PRKAR1A: variants seen among roughly 807,000 people sequenced by gnomAD.
PRKAR1A encodes the protein protein kinase cAMP-dependent type I regulatory subunit alpha.
In PRKAR1A, 3 loss-of-function variants were observed where a neutral mutation model predicts 52.0. The observed-to-expected ratio is 0.06, with a 90% CI of 0.03 to 0.15. The LOEUF (loss-of-function observed/expected upper bound fraction) is 0.15. PRKAR1A is among the 10% of genes least tolerant of loss of function. The pLI is 1.00. For synonymous variants in PRKAR1A, 188 were observed against 168.4 expected (o/e 1.12, Z -0.90); for missense variants, 240 against 477.4 (o/e 0.50, Z 4.63).
chr17:68,509,409 T>C (rs2085235216), upstream of PRKAR1A, among the ~76,000 whole-genome samples: 1 of 152,144 alleles, frequency 6.6e-6, no homozygotes, highest in Non-Finnish European at 1.5e-5. Flanking sequence ...CAAGGAAGCC[T>C]CCAGCCTGGG....
chr17:68,535,799 G>A, downstream of PRKAR1A: 1 of 453,818 alleles, frequency 2.2e-6, no homozygotes, highest in South Asian at 1.6e-5. Context: ...GTGAGCCCAT[G>A]CCCAGCTGAT....
chr17:68,435,813 C>T, the PRKAR1A span: 6 of 1,061,422 alleles, frequency 5.7e-6, no homozygotes, highest in South Asian at 5.4e-5. Context: ...CTCCTTTGTC[C>T]AGCTCCCTGT....
the PRKAR1A span, among the ~76,000 whole-genome samples, chr17:68,471,721 G>A: frequency 1.3e-5 from 2 of 152,164 alleles, no homozygotes; most frequent in African/African-American, 4.8e-5. Context: ...CCAAATGTCT[G>A]CAAATGCCTG....
chr17:68,427,068 C>G, the PRKAR1A span: 2 of 1,302,826 alleles, frequency 1.5e-6, no homozygotes, highest in Non-Finnish European at 2.2e-6. Flanking sequence ...GGGGAGGGAG[C>G]GTGCAGGGAG....
chr17:68,519,587 G>T (rs549494688), intron 2 of PRKAR1A, among the ~76,000 whole-genome samples: 55 of 152,314 alleles, frequency 3.6e-4, no homozygotes, highest in African/African-American at 1.2e-3. Flanking sequence ...AACCATATCA[G>T]TCTGAAAATA....
the PRKAR1A span, chr17:68,429,949 A>G: frequency 6.2e-7 from 1 of 1,609,486 alleles, no homozygotes; most frequent in South Asian, 1.1e-5. Context: ...GGAAAAATAC[A>G]TTGACGAAAG....
At chr17:68,444,931 T>C in the PRKAR1A span, among the ~76,000 whole-genome samples, 1 of 146,616 alleles carries the variant, frequency 6.8e-6, no homozygotes, top group Non-Finnish European at 1.5e-5. Flanking sequence ...TTTTTTTTTT[T>C]TTTTTTTGAG....
chr17:68,458,524 TC>T, the PRKAR1A span, among the ~76,000 whole-genome samples: 1 of 152,162 alleles, frequency 6.6e-6, no homozygotes, highest in Non-Finnish European at 1.5e-5. Flanking sequence ...GCACAAAGTA[TC>T]TAAACAAGAC....
the PRKAR1A span, among the ~76,000 whole-genome samples, chr17:68,487,163 C>T: frequency 2.6e-5 from 4 of 152,210 alleles, no homozygotes; most frequent in Non-Finnish European, 5.9e-5. Flanking sequence ...TGAGCCACTG[C>T]GCCCGGCCTG....
the PRKAR1A span, among the ~76,000 whole-genome samples, chr17:68,504,958 C>T: frequency 6.6e-6 from 1 of 151,996 alleles, no homozygotes; most frequent in Non-Finnish European, 1.5e-5. Context: ...TCTATGTACC[C>T]ACACAAATAA....
At chr17:68,463,463 A>G in the PRKAR1A span, among the ~76,000 whole-genome samples, 3 of 152,206 alleles carry the variant, frequency 2.0e-5, no homozygotes, top group African/African-American at 7.2e-5. Context: ...TCATGGCTCC[A>G]GGTTCTAGGG....
At chr17:68,453,028 G>C in the PRKAR1A span, 6 of 1,558,710 alleles carry the variant, frequency 3.8e-6, no homozygotes, top group Admixed American at 1.0e-4. Flanking sequence ...AATAACGACA[G>C]GTATTCTAAC....
chr17:68,431,882 A>C, the PRKAR1A span, among the ~76,000 whole-genome samples: 1 of 113,776 alleles, frequency 8.8e-6, no homozygotes, highest in Admixed American at 9.4e-5. Context: ...AATAATCCCC[A>C]GTGGAGGCGG....
the PRKAR1A span, among the ~76,000 whole-genome samples, chr17:68,490,778 T>C: frequency 6.6e-6 from 1 of 152,168 alleles, no homozygotes; most frequent in African/African-American, 2.4e-5. Flanking sequence ...CTCATCATCC[T>C]TTGGGTTCCA....
chr17:68,540,962 AG>A, intron 11 of PRKAR1A: 1 of 1,578,364 alleles, frequency 6.3e-7, no homozygotes, highest in Non-Finnish European at 8.6e-7. Context: ...CTCCCACCTG[AG>A]GGGGAGAAGA....
the PRKAR1A span, chr17:68,422,548 TG>T: frequency 6.6e-6 from 1 of 151,804 alleles, no homozygotes; most frequent in African/African-American, 2.4e-5. Flanking sequence ...CTGGCCAACA[TG>T]GTGAAATCCT....
At chr17:68,415,783 T>G in the PRKAR1A span, among the ~76,000 whole-genome samples, 1 of 152,234 alleles carries the variant, frequency 6.6e-6, no homozygotes. Flanking sequence ...GTCTCTGTCT[T>G]TTTTAACTGC....
In PRKAR1A at chr17:68,522,760, A is replaced by G. The variant is rs772001678; in HGVS notation, c.182A>G (p.Glu61Gly). The G allele has an allele frequency of 1.2e-6, 2 of 1,614,030 alleles. No individual in the cohort carries two copies. Among genetic ancestry groups the G allele is most frequent in the South Asian group, 2.2e-5 (2 of 91,078 alleles). ...CAAACTCGTAATTTCTTTCAGGAGGAGGCAAAACAGATTCAGAATCTGCAG... is the reference window on the plus strand; with the variant it reads ...CAAACTCGTAATTTCTTTCAGGAGGGGGCAAAACAGATTCAGAATCTGCAG... Reference protein sequence around the residue: ...REYFERLEKEEAKQIQNLQKA... With the variant: ...REYFERLEKEGAKQIQNLQKA... The change falls in exon 3 of 11, where the codon GAG (glutamate) becomes GGG (glycine). Residue 61 changes from glutamate (E) to glycine (G), a missense_variant. By Grantham distance (98) the Glu-to-Gly change is moderately conservative. Around this residue, in one of 4 missense-constraint regions of PRKAR1A, gnomAD observed 107 missense variants for 114.6 expected, o/e 0.93. Coordinates refer to ENST00000589228, the MANE Select transcript of PRKAR1A (RefSeq NM_002734.5).
chr17:68,542,162 C>T (rs1294982517), intron 11 of PRKAR1A: 1 of 1,613,868 alleles, frequency 6.2e-7, no homozygotes, highest in Admixed American at 1.7e-5. Flanking sequence ...GCACACGTTG[C>T]TCGCTGGAGG....
Sources: allele counts gnomAD v4.1 joint callset (sites outside exome capture counted in the v4.1 genomes callset), GRCh38; gene constraint gnomAD v4.1.1; regional missense constraint gnomAD v4.1.1; transcripts MANE v1.5; gene names NCBI Gene and HGNC (gene_info 2026-07-23, HGNC 2026-07-21).